GBF1: variants seen among roughly 807,000 people sequenced by gnomAD.
The protein encoded by GBF1 is golgi brefeldin A resistant guanine nucleotide exchange factor 1, also known as Golgi-specific brefeldin A-resistance guanine nucleotide exchange factor 1.
In GBF1, 114 loss-of-function variants were observed where a neutral mutation model predicts 210.5. That is an observed-to-expected ratio of 0.54 (90% CI 0.47 to 0.63). The LOEUF is 0.63. Ranked by LOEUF, GBF1 falls within the 30% of genes least tolerant of loss-of-function variation. The pLI is 0.00. For synonymous variants in GBF1, 850 were observed against 889.2 expected (o/e 0.96, Z 0.78); for missense variants, 1,851 against 2,357.7 (o/e 0.79, Z 4.45).
At chr10:102,374,974 C>T (rs995110883) in intron 29 of GBF1, among the ~76,000 whole-genome samples, 5 of 151,644 alleles carry the variant, frequency 3.3e-5, no homozygotes, top group Non-Finnish European at 7.4e-5. Flanking sequence ...AGTTCAAGAC[C>T]AGCCTGGGCA....
At chr10:102,379,759 C>G in intron 35 of GBF1, 94 bp from the exon 36 acceptor site, 1 of 1,478,216 alleles carries the variant, frequency 6.8e-7, no homozygotes, top group Non-Finnish European at 9.5e-7. Context: ...CATACCTTCC[C>G]TTCAGCTCTA....
upstream of GBF1, among the ~76,000 whole-genome samples, chr10:102,243,249 T>C (rs890294737): frequency 1.3e-5 from 2 of 152,222 alleles, no homozygotes; most frequent in Admixed American, 6.5e-5. Flanking sequence ...CTTGCTCTCA[T>C]GACCCTCAGT....
intron 5 of GBF1, 132 bp downstream of exon 5, chr10:102,351,506 A>G: frequency 1.5e-6 from 1 of 656,082 alleles, no homozygotes. Context: ...GTTTCCAGAC[A>G]AGCAGCTGGG....
chr10:102,239,102 C>T, the GBF1 span, among the ~76,000 whole-genome samples: 1 of 152,176 alleles, frequency 6.6e-6, no homozygotes, highest in African/African-American at 2.4e-5. Flanking sequence ...CATCCTGTCT[C>T]ACCTTCCAGA....
chr10:102,369,179 G>T (rs369382466), intron 23 of GBF1, 32 bp from the exon 24 acceptor site: 7 of 1,520,492 alleles, frequency 4.6e-6, no homozygotes, highest in South Asian at 1.1e-5. Context: ...ACATTAGCTC[G>T]GCCTTAAGTC....
chr10:102,230,967 C>G, the GBF1 span: 9 of 1,607,550 alleles, frequency 5.6e-6, no homozygotes, highest in African/African-American at 9.4e-5. Flanking sequence ...AGTTGCCGTA[C>G]GAGTAGCCGG....
Position 102,366,693 on chromosome 10 carries a change from TCTC to T in GBF1, c.2433+190_2433+192del, listed in dbSNP as rs1414908512. Among the ~76,000 whole-genome samples, 1 of 151,370 alleles carries T rather than the reference TCTC, an allele frequency of 6.6e-6. No individual in the cohort carries two copies. Among genetic ancestry groups the T allele is most frequent in the Non-Finnish European group, 1.5e-5 (1 of 67,912 alleles). On this transcript the variant is annotated intron_variant, in intron 19 of 39. Coordinates refer to ENST00000369983, the MANE Select transcript of GBF1 (RefSeq NM_001377137.1). The surrounding 1 kb of genome is among the most constrained non-coding windows in gnomAD (Gnocchi z 4.0). The stretch of plus-strand genomic sequence containing the variant: ...CCTCCACCCCCCGGGTTCAAGCAAT[TCTC>T]CTGCCTTAGCCTCCTGAGTAGCTGG...
intron 3 of GBF1, among the ~76,000 whole-genome samples, chr10:102,267,379 C>T (rs949673124): frequency 1.3e-5 from 2 of 152,090 alleles, no homozygotes; most frequent in East Asian, 1.9e-4. Context: ...GTGGCGCATG[C>T]CTGTAGTCCC....
intron 3 of GBF1, among the ~76,000 whole-genome samples, chr10:102,272,387 G>GA (rs1207906611): frequency 6.6e-6 from 1 of 152,228 alleles, no homozygotes; most frequent in Admixed American, 6.5e-5. Context: ...TTACAGGCAT[G>GA]AGCCACTGCA....
intron 4 of GBF1, among the ~76,000 whole-genome samples, chr10:102,350,586 G>A (rs958014888): frequency 3.3e-5 from 5 of 151,970 alleles, no homozygotes; most frequent in African/African-American, 4.8e-5. Context: ...CAGGCCCCTC[G>A]TCTATGAAAT....
intron 33 of GBF1, among the ~76,000 whole-genome samples, chr10:102,378,425 C>T (rs1310755932): frequency 3.3e-5 from 5 of 151,724 alleles, no homozygotes; most frequent in Non-Finnish European, 1.5e-5. Flanking sequence ...GAGTTCGAGA[C>T]CAGCCTGGGA....
intron 1 of GBF1, among the ~76,000 whole-genome samples, chr10:102,256,192 A>C (rs575029488): frequency 1.2e-4 from 18 of 152,150 alleles, no homozygotes; most frequent in African/African-American, 4.1e-4. Flanking sequence ...TGATCTGCCC[A>C]CCTCAGCCTT....
In GBF1 at chr10:102,332,235, C is replaced by T. The variant is rs117335400; in HGVS notation, c.164-11816C>T. ...TATAAATACTATGTAAATAGTTATA[C>T]CATATTTAGGGAATAATGACAAGGG... On this transcript the variant is annotated intron_variant, in intron 3 of 39. Coordinates refer to ENST00000369983, the MANE Select transcript of GBF1 (RefSeq NM_001377137.1). 6.0e-4 allele frequency among the ~76,000 whole-genome samples: 92 copies of T among 152,154 alleles called. 1 individual carries two copies. The East Asian group carries it at 0.018, about 29-fold the overall frequency.
At chr10:102,332,388 T>A (rs906817177) in intron 3 of GBF1, among the ~76,000 whole-genome samples, 1 of 64,702 alleles carries the variant, frequency 1.5e-5, no homozygotes, top group African/African-American at 4.0e-5. Flanking sequence ...GTAATTTGCC[T>A]TTTTTTTTTT....
At chr10:102,317,110 T>TCTAA (rs2078998788) in intron 3 of GBF1, among the ~76,000 whole-genome samples, 1 of 152,110 alleles carries the variant, frequency 6.6e-6, no homozygotes, top group South Asian at 2.1e-4. Flanking sequence ...CCTTTTTTTT[T>TCTAA]CTAACTGGCT....
At chr10:102,267,492 A>G (rs2073978036) in intron 3 of GBF1, among the ~76,000 whole-genome samples, 1 of 148,924 alleles carries the variant, frequency 6.7e-6, no homozygotes, top group African/African-American at 2.4e-5. Context: ...TGGCAGATCA[A>G]GACTCCATCT....
chr10:102,319,024 C>T (rs2056125046), intron 3 of GBF1, among the ~76,000 whole-genome samples: 1 of 151,940 alleles, frequency 6.6e-6, no homozygotes. Context: ...AAGTTCAAGA[C>T]TAGCCTGGGT....
chr10:102,341,553 C>T (rs994984573), intron 3 of GBF1, among the ~76,000 whole-genome samples: 4 of 152,102 alleles, frequency 2.6e-5, no homozygotes, highest in Admixed American at 2.0e-4. Flanking sequence ...TGTCCTTCAA[C>T]CAGTGAATGG....
intron 33 of GBF1, among the ~76,000 whole-genome samples, chr10:102,378,951 TAAC>T (rs745559429): frequency 5.3e-5 from 8 of 152,008 alleles, no homozygotes; most frequent in Non-Finnish European, 7.4e-5. Flanking sequence ...AAAATTAAAT[TAAC>T]AACATGAGGC....
Sources: allele counts gnomAD v4.1 joint callset (sites outside exome capture counted in the v4.1 genomes callset), GRCh38; gene constraint gnomAD v4.1.1; non-coding constraint Gnocchi (gnomAD v3.1); transcripts MANE v1.5; gene names NCBI Gene and HGNC (gene_info 2026-07-23, HGNC 2026-07-21).